The following SPAG16 variants were observed in gnomAD, a reference collection of about 807,000 sequenced individuals.
SPAG16 encodes the protein sperm associated antigen 16.
Under a neutral mutation model 80.4 loss-of-function variants are expected in SPAG16, and 86 were observed. The ratio of observed to expected loss-of-function variants is 1.07; its 90% CI spans 0.90 to 1.28. The LOEUF is 1.28. Among genes scored for constraint, SPAG16 ranks in the 50% most tolerant of loss-of-function variants. SPAG16 has a pLI of 0.00. For missense variants in SPAG16, 870 were observed against 765.3 expected (o/e 1.14, Z -1.61); for synonymous variants, 294 against 265.9 (o/e 1.11, Z -1.03).
At chr2:213,541,665 G>C (rs936605284) in intron 10 of SPAG16, among the ~76,000 whole-genome samples, 1 of 152,064 alleles carries the variant, frequency 6.6e-6, no homozygotes, top group African/African-American at 2.4e-5. Context: ...GTTTTGGCTA[G>C]AATAGAAGAG....
At position 213,708,735 on chromosome 2, in the gene SPAG16, G is replaced by A. The variant is rs143967844; in HGVS notation, c.1071-153750G>A. On this transcript the variant is annotated intron_variant, in intron 10 of 15. Transcript: ENST00000331683. ...CAGGAGGCAGAGGCTGCAGTGAGCCGAGACCATGCCATTGCACTCCAGTCT... is the reference window on the plus strand; with the variant it reads ...CAGGAGGCAGAGGCTGCAGTGAGCCAAGACCATGCCATTGCACTCCAGTCT... Among the ~76,000 whole-genome samples the A allele has an allele frequency of 2.9e-4, 44 of 152,206 alleles. No homozygotes were observed. The East Asian group carries it at 6.2e-3, about 21-fold the overall frequency.
intron 4 of SPAG16, among the ~76,000 whole-genome samples, chr2:213,314,193 T>C (rs1448835746): frequency 6.6e-6 from 1 of 151,904 alleles, no homozygotes; most frequent in African/African-American, 2.4e-5. Context: ...TAATTCTAAG[T>C]AGTTGATGGA....
In SPAG16 at chr2:213,355,237, A is replaced by C. The variant is rs763166892; in HGVS notation, c.762+4592A>C. 1.3e-5 allele frequency among the ~76,000 whole-genome samples: 2 copies of C among 152,272 alleles called. 1 individual carries two copies. The highest frequency in any genetic ancestry group is 4.1e-4 in the South Asian group (2 of 4,822). Reference sequence around the variant, plus strand: ...CACTGGTCTATATATCTGTTTTGGTACTGGTACCATGCTATTTTGGTTATT... The same window carrying C: ...CACTGGTCTATATATCTGTTTTGGTCCTGGTACCATGCTATTTTGGTTATT... On this transcript the variant is annotated intron_variant, in intron 7 of 15. Coordinates refer to ENST00000331683, the MANE Select transcript of SPAG16 (RefSeq NM_024532.5).
chr2:213,390,598 T>C (rs963707086), intron 9 of SPAG16, among the ~76,000 whole-genome samples: 5 of 152,196 alleles, frequency 3.3e-5, no homozygotes, highest in Non-Finnish European at 7.4e-5. Context: ...ATCAACTTCA[T>C]ATTTAAAGAA....
chr2:213,371,722 C>G (rs1004424858), intron 8 of SPAG16, among the ~76,000 whole-genome samples: 13 of 150,656 alleles, frequency 8.6e-5, no homozygotes, highest in African/African-American at 2.7e-4. Flanking sequence ...GTTATTTAAT[C>G]TAAATTTAGG....
chr2:213,368,876 AAGG>A (rs1281699309), intron 8 of SPAG16, among the ~76,000 whole-genome samples: 1 of 152,256 alleles, frequency 6.6e-6, no homozygotes, highest in Non-Finnish European at 1.5e-5. Flanking sequence ...GGACGTCTTC[AAGG>A]AGAACTACAA....
chr2:214,160,380 G>A (rs1402374863), intron 15 of SPAG16, among the ~76,000 whole-genome samples: 1 of 151,408 alleles, frequency 6.6e-6, no homozygotes, highest in Non-Finnish European at 1.5e-5. Context: ...ATCCAAATTT[G>A]GTTGTAACAG....
intron 10 of SPAG16, among the ~76,000 whole-genome samples, chr2:213,635,325 A>G (rs933456564): frequency 2.0e-5 from 3 of 152,080 alleles, no homozygotes; most frequent in East Asian, 3.9e-4. Flanking sequence ...GTGAGCCACC[A>G]TGCCCAGCCC....
chr2:213,906,854 A>G (rs1412711888), intron 11 of SPAG16, among the ~76,000 whole-genome samples: 1 of 152,220 alleles, frequency 6.6e-6, no homozygotes, highest in Non-Finnish European at 1.5e-5. Flanking sequence ...ACATATAAAA[A>G]TCAACTCAAA....
chr2:213,403,076 C>G (rs569401928), intron 9 of SPAG16, among the ~76,000 whole-genome samples: 10 of 152,038 alleles, frequency 6.6e-5, no homozygotes, highest in African/African-American at 2.4e-4. Flanking sequence ...TCTCCACATC[C>G]TCTCCAGCAC....
chr2:213,516,252 C>T (rs1243652290), intron 10 of SPAG16, among the ~76,000 whole-genome samples: 1 of 152,118 alleles, frequency 6.6e-6, no homozygotes, highest in African/African-American at 2.4e-5. Context: ...TTTATACTTA[C>T]TTCTTTGTGT....
intron 13 of SPAG16, among the ~76,000 whole-genome samples, chr2:214,048,549 G>T (rs1275907336): frequency 1.3e-5 from 2 of 151,656 alleles, no homozygotes; most frequent in Non-Finnish European, 2.9e-5. Flanking sequence ...GATTACCAGA[G>T]ACTAGGAAGG....
chr2:213,881,168 A>T (rs1048092879), intron 11 of SPAG16, among the ~76,000 whole-genome samples: 1 of 152,104 alleles, frequency 6.6e-6, no homozygotes, highest in Admixed American at 6.5e-5. Flanking sequence ...CTTTATAGAG[A>T]TATCTCATCT....
At chr2:214,301,663 CTTCT>C (rs900127706) in intron 15 of SPAG16, among the ~76,000 whole-genome samples, 3 of 151,946 alleles carry the variant, frequency 2.0e-5, no homozygotes, top group Admixed American at 1.3e-4. Context: ...TTATTAGAAT[CTTCT>C]TTATTTCTTG....
intron 12 of SPAG16, among the ~76,000 whole-genome samples, chr2:213,976,106 GGA>G (rs1491241306): frequency 3.9e-5 from 3 of 77,460 alleles, no homozygotes; most frequent in African/African-American, 2.0e-4. Flanking sequence ...AGACAGTGAG[GGA>G]GATATATATA....
At chr2:214,243,589 G>C (rs1255525836) in intron 15 of SPAG16, among the ~76,000 whole-genome samples, 1 of 151,836 alleles carries the variant, frequency 6.6e-6, no homozygotes, top group Non-Finnish European at 1.5e-5. Flanking sequence ...ATTAATTTCT[G>C]ACTATACATT....
At chr2:214,012,542 G>A (rs1000587942) in intron 12 of SPAG16, among the ~76,000 whole-genome samples, 3 of 151,518 alleles carry the variant, frequency 2.0e-5, no homozygotes, top group Non-Finnish European at 4.4e-5. Context: ...GTGGTCTCCT[G>A]CCTCGGCCTC....
At chr2:213,962,234 C>T (rs900266129) in intron 12 of SPAG16, among the ~76,000 whole-genome samples, 1 of 150,194 alleles carries the variant, frequency 6.7e-6, no homozygotes, top group Non-Finnish European at 1.5e-5. Flanking sequence ...CACTCTGTTG[C>T]CCAGGCTGGA....
intron 10 of SPAG16, among the ~76,000 whole-genome samples, chr2:213,740,426 GC>G (rs1228006240): frequency 6.6e-6 from 1 of 152,188 alleles, no homozygotes; most frequent in Non-Finnish European, 1.5e-5. Context: ...AGGAACAGCT[GC>G]TCACTACCAA....
Sources: gnomAD v4.1 joint callset for allele counts (sites outside exome capture counted in the v4.1 genomes callset) on GRCh38, gnomAD v4.1.1 for gene constraint, MANE v1.5 for transcripts, NCBI Gene and HGNC (gene_info 2026-07-23, HGNC 2026-07-21) for gene names.